The following ARHGAP44 variants were observed in gnomAD, a reference collection of about 807,000 sequenced individuals.
The protein encoded by ARHGAP44 is Rho GTPase activating protein 44, also known as rho GTPase-activating protein 44.
In ARHGAP44, 43 loss-of-function variants were observed where a neutral mutation model predicts 106.8. The observed-to-expected ratio is 0.40, with a 90% CI of 0.32 to 0.52. The LOEUF is 0.52. Among genes scored for constraint, ARHGAP44 ranks in the 20% least tolerant of loss-of-function variants. ARHGAP44 has a pLI of 0.48. For missense variants in ARHGAP44, 866 were observed against 1,050.5 expected, an observed-to-expected ratio of 0.82 and a Z score of 2.43; for synonymous variants, 439 against 410.3, an observed-to-expected ratio of 1.07 and a Z score of -0.85.
chr17:12,959,273 C>T (rs1299280613), intron 16 of ARHGAP44, among the ~76,000 whole-genome samples: 2 of 152,146 alleles, frequency 1.3e-5, no homozygotes, highest in Non-Finnish European at 2.9e-5. Flanking sequence ...TATGAATGGG[C>T]TCATTGCATT....
chr17:12,969,510 TAG>T (rs2039474906), intron 16 of ARHGAP44, among the ~76,000 whole-genome samples: 3 of 152,214 alleles, frequency 2.0e-5, no homozygotes, highest in African/African-American at 7.2e-5. Flanking sequence ...CTCCATATTA[TAG>T]AGTTAGTCAT....
In ARHGAP44 at chr17:12,791,672, G is replaced by A. The variant is rs74847269; in HGVS notation, c.53+1781G>A. ...TATCTTATTTTTCAGCCTCATCCAT[G>A]GGGGGAATGCAAAATGGTGAGGGGA... On this transcript the variant is annotated intron_variant, in intron 1 of 20. Coordinates refer to ENST00000379672, the MANE Select transcript of ARHGAP44 (RefSeq NM_014859.6). 2.2e-3 allele frequency among the ~76,000 whole-genome samples: 342 copies of A among 152,194 alleles called. 6 individuals carry two copies. In the East Asian group the frequency reaches 0.055, roughly 24 times the overall value.
intron 16 of ARHGAP44, among the ~76,000 whole-genome samples, chr17:12,959,779 A>G (rs367826076): frequency 2.0e-5 from 3 of 152,256 alleles, no homozygotes; most frequent in African/African-American, 7.2e-5. Flanking sequence ...AAATGTAGCA[A>G]GTGCTCCTTT....
chr17:12,888,278 CCAA>C (rs1316596514), intron 1 of ARHGAP44, among the ~76,000 whole-genome samples: 3 of 151,988 alleles, frequency 2.0e-5, no homozygotes, highest in African/African-American at 7.3e-5. Context: ...TTGGTTGTGC[CCAA>C]CATTTTTACA....
At chr17:12,918,342 T>A (rs936765432) in intron 5 of ARHGAP44, among the ~76,000 whole-genome samples, 3 of 152,168 alleles carry the variant, frequency 2.0e-5, no homozygotes, top group Non-Finnish European at 4.4e-5. Flanking sequence ...TCAGAGAACA[T>A]TGGATTCTCC....
At chr17:12,802,946 TA>T (rs2034146638) in intron 1 of ARHGAP44, among the ~76,000 whole-genome samples, 234 of 20,318 alleles carry the variant, frequency 0.012, 20 homozygotes, top group African/African-American at 0.048. Flanking sequence ...TATATATATA[TA>T]TATATATATA....
At chr17:12,841,790 C>T (rs1412435566) in intron 1 of ARHGAP44, among the ~76,000 whole-genome samples, 3 of 152,004 alleles carry the variant, frequency 2.0e-5, no homozygotes, top group Non-Finnish European at 4.4e-5. Flanking sequence ...ATAATTGAGG[C>T]AGATTCATTT....
intron 1 of ARHGAP44, among the ~76,000 whole-genome samples, chr17:12,860,863 T>C (rs1422541545): frequency 2.9e-4 from 6 of 20,930 alleles, no homozygotes; most frequent in African/African-American, 7.2e-4. Flanking sequence ...ATTCTTTTTT[T>C]TTTTTTTTTT....
In ARHGAP44 at chr17:12,984,818, C is replaced by T; in HGVS notation, c.2227C>T (p.Pro743Ser). 6.2e-7 allele frequency: 1 copy of T among 1,614,010 alleles called. No homozygotes were observed. The highest frequency in any genetic ancestry group is 2.2e-5 in the East Asian group (1 of 44,872). Residue 743 changes from proline to serine, a missense_variant, in exon 20 of 21, where the codon CCT (proline) becomes TCT (serine). By Grantham distance (74) the Pro-to-Ser change is moderately conservative. Transcript: ENST00000379672. ...RQRPTLPPPQPPTVNLSASSP... is the reference protein window; with the variant it reads ...RQRPTLPPPQSPTVNLSASSP... ...GAGACCTACTCTGCCGCCTCCTCAG[C>T]CTCCCACAGTAAACCTCTCGGCCTC...
Position 12,912,495 on chromosome 17 carries a change from A to G in ARHGAP44, c.276-3405A>G, listed in dbSNP as rs144797292. On this transcript the variant is annotated intron_variant, in intron 4 of 20. Coordinates refer to ENST00000379672, the MANE Select transcript of ARHGAP44 (RefSeq NM_014859.6). ...TGCCCGAAAAACAGGAGTTCTTAGA[A>G]AAGAAGAGGAAGAAATAATAATAAA... Among the ~76,000 whole-genome samples, 14 of 152,258 alleles carry G rather than the reference A, an allele frequency of 9.2e-5. No individual in the cohort carries two copies. The East Asian group carries it at 2.5e-3, about 27-fold the overall frequency.
At chr17:12,930,958 A>G (rs1247359883) in intron 7 of ARHGAP44, among the ~76,000 whole-genome samples, 3 of 152,224 alleles carry the variant, frequency 2.0e-5, no homozygotes, top group Non-Finnish European at 4.4e-5. Context: ...TATAAGGATA[A>G]GGAAGCCAGT....
At chr17:12,816,230 G>A (rs941794193) in intron 1 of ARHGAP44, among the ~76,000 whole-genome samples, 2 of 152,136 alleles carry the variant, frequency 1.3e-5, no homozygotes, top group Non-Finnish European at 2.9e-5. Flanking sequence ...TGGGTGGTGA[G>A]AAATGGTTTT....
chr17:12,989,124 A>AAAAAAAAG, intron 20 of ARHGAP44, among the ~76,000 whole-genome samples: 2 of 148,140 alleles, frequency 1.4e-5, no homozygotes, highest in Admixed American at 6.7e-5. Flanking sequence ...AAAAAAAAAA[A>AAAAAAAAG]ACTAAGCAGG....
chr17:12,842,433 A>G (rs2035444109), intron 1 of ARHGAP44, among the ~76,000 whole-genome samples: 1 of 121,740 alleles, frequency 8.2e-6, no homozygotes, highest in South Asian at 2.4e-4. Context: ...AAAAAAAAAA[A>G]GAAAGAAAAA....
chr17:12,853,570 G>T (rs973999123), intron 1 of ARHGAP44, among the ~76,000 whole-genome samples: 7 of 152,216 alleles, frequency 4.6e-5, no homozygotes, highest in African/African-American at 1.7e-4. Context: ...GAATGAGGGA[G>T]CTGGAGGCAC....
chr17:12,941,445 A>C (rs2038706409), intron 8 of ARHGAP44, among the ~76,000 whole-genome samples: 1 of 152,096 alleles, frequency 6.6e-6, no homozygotes, highest in African/African-American at 2.4e-5. Context: ...GGGAGGTGCT[A>C]CTGGCATTTA....
intron 1 of ARHGAP44, among the ~76,000 whole-genome samples, chr17:12,893,748 GTGTC>G (rs2037117373): frequency 6.6e-6 from 1 of 152,152 alleles, no homozygotes; most frequent in African/African-American, 2.4e-5. Flanking sequence ...TTTCTAAAAA[GTGTC>G]TGTCTTTCTA....
chr17:12,840,172 T>C (rs2150827381), intron 1 of ARHGAP44, among the ~76,000 whole-genome samples: 1 of 152,300 alleles, frequency 6.6e-6, no homozygotes, highest in South Asian at 2.1e-4. Context: ...ATAATAAATA[T>C]ATTTAATTCT....
chr17:12,802,283 AG>A (rs2150764815), intron 1 of ARHGAP44, among the ~76,000 whole-genome samples: 1 of 152,224 alleles, frequency 6.6e-6, no homozygotes, highest in East Asian at 1.9e-4. Context: ...TTAGCAAAAA[AG>A]GAGTTTTGGG....
Sources: gnomAD v4.1 joint callset for allele counts (sites outside exome capture counted in the v4.1 genomes callset) on GRCh38, gnomAD v4.1.1 for gene constraint, MANE v1.5 for transcripts, NCBI Gene and HGNC (gene_info 2026-07-23, HGNC 2026-07-21) for gene names.